Variants in AGPAT5 observed in about 807,000 individuals in gnomAD.
AGPAT5 encodes 1-acylglycerol-3-phosphate O-acyltransferase 5, also known as 1-acyl-sn-glycerol-3-phosphate acyltransferase epsilon.
AGPAT5 carries 46 observed loss-of-function variants against 45.6 expected under a neutral mutation model. The ratio of observed to expected loss-of-function variants is 1.01; its 90% CI spans 0.80 to 1.29. The LOEUF (loss-of-function observed/expected upper bound fraction) is 1.29. Among genes scored for constraint, AGPAT5 ranks in the 50% most tolerant of loss-of-function variants. The pLI is 0.00. For missense variants in AGPAT5, 673 were observed against 450.7 expected (o/e 1.49, Z -4.47); for synonymous variants, 272 against 167.0 (o/e 1.63, Z -4.85).
intron 1 of AGPAT5, among the ~76,000 whole-genome samples, chr8:6,724,542 A>G (rs1241866226): frequency 5.3e-5 from 8 of 152,196 alleles, no homozygotes; most frequent in Non-Finnish European, 1.2e-4. Context: ...CTCTTTTACT[A>G]GATTGATTGT....
chr8:6,728,765 T>C (rs1800771658), intron 2 of AGPAT5, among the ~76,000 whole-genome samples: 1 of 152,240 alleles, frequency 6.6e-6, no homozygotes, highest in Non-Finnish European at 1.5e-5. Flanking sequence ...TATTGTCTGC[T>C]TACTTTTGCA....
chr8:6,731,339 G>A (rs1307915365), intron 3 of AGPAT5, among the ~76,000 whole-genome samples: 3 of 151,986 alleles, frequency 2.0e-5, no homozygotes, highest in African/African-American at 4.8e-5. Flanking sequence ...GTGGGGATTG[G>A]TTTTAGAACC....
At chr8:6,754,539 G>T (rs1250580588) in intron 6 of AGPAT5, among the ~76,000 whole-genome samples, 15 of 152,142 alleles carry the variant, frequency 9.9e-5, no homozygotes, top group African/African-American at 3.4e-4. Flanking sequence ...GCCTGTGAGT[G>T]CCCAGCTGTG....
chr8:6,734,472 G>A (rs1333535066), intron 4 of AGPAT5, among the ~76,000 whole-genome samples: 1 of 151,906 alleles, frequency 6.6e-6, no homozygotes, highest in African/African-American at 2.4e-5. Flanking sequence ...TTCCATCTCT[G>A]TGCTAGTGTA....
At chr8:6,757,059 G>T in intron 7 of AGPAT5, 104 bp from the exon 8 acceptor site, 2 of 770,008 alleles carry the variant, frequency 2.6e-6, no homozygotes, top group Admixed American at 2.9e-5. Context: ...TATTTTCCAG[G>T]GACCTGCATA....
intron 1 of AGPAT5, among the ~76,000 whole-genome samples, chr8:6,717,003 T>TG (rs1291317825): frequency 6.6e-6 from 1 of 152,170 alleles, no homozygotes; most frequent in African/African-American, 2.4e-5. Flanking sequence ...CCAAGTCTAG[T>TG]GAGTCCGATT....
intron 5 of AGPAT5, chr8:6,746,316 A>T (rs1455225350): frequency 6.6e-6 from 1 of 152,112 alleles, no homozygotes; most frequent in Non-Finnish European, 1.5e-5. Context: ...GGCTTTATCT[A>T]CGCGTTCTGG....
At chr8:6,751,202 C>T (rs1010190870) in intron 6 of AGPAT5, among the ~76,000 whole-genome samples, 1 of 152,130 alleles carries the variant, frequency 6.6e-6, no homozygotes, top group Non-Finnish European at 1.5e-5. Flanking sequence ...ACTTGGAATA[C>T]TGTAAGTACT....
chr8:6,747,610 A>G, intron 5 of AGPAT5, 60 bp from the exon 6 acceptor site: 1 of 1,443,062 alleles, frequency 6.9e-7, no homozygotes, highest in Non-Finnish European at 9.5e-7. Flanking sequence ...TTAGATGTTA[A>G]ACAGTATATT....
intron 1 of AGPAT5, chr8:6,709,663 C>G (rs1402966256): frequency 6.6e-6 from 1 of 150,984 alleles, no homozygotes; most frequent in East Asian, 1.9e-4. Flanking sequence ...TTTTACTTTT[C>G]TTGGTAGGGT....
intron 5 of AGPAT5, among the ~76,000 whole-genome samples, chr8:6,746,847 T>C (rs879427433): frequency 2.6e-4 from 39 of 152,160 alleles, no homozygotes; most frequent in African/African-American, 9.2e-4. Context: ...TTCTGTTAAA[T>C]TGTCAGTAAA....
intron 1 of AGPAT5, among the ~76,000 whole-genome samples, chr8:6,724,459 A>G (rs1173810318): frequency 6.6e-6 from 1 of 152,230 alleles, no homozygotes; most frequent in Non-Finnish European, 1.5e-5. Flanking sequence ...AACAAATTTA[A>G]AACCTTAAAA....
chr8:6,748,125 G>A (rs1475038135), intron 6 of AGPAT5, among the ~76,000 whole-genome samples: 1 of 152,156 alleles, frequency 6.6e-6, no homozygotes, highest in Non-Finnish European at 1.5e-5. Flanking sequence ...AGGAAGACGT[G>A]AAGAAGGAGC....
At position 6,711,232 on chromosome 8, in the gene AGPAT5, A is replaced by G. The variant is rs1032917473; in HGVS notation, c.219+2345A>G. On this transcript the variant is annotated intron_variant, in intron 1 of 7. Coordinates refer to ENST00000285518, the MANE Select transcript of AGPAT5 (RefSeq NM_018361.5). ...AAGTAGTAGTAGGTCCATGAGATTTATGATCTGTGCTTGGCAGGTAAACCT... is the reference window on the plus strand; with the variant it reads ...AAGTAGTAGTAGGTCCATGAGATTTGTGATCTGTGCTTGGCAGGTAAACCT... Among the ~76,000 whole-genome samples the G allele has an allele frequency of 3.9e-5, 6 of 152,244 alleles. 1 individual carries two copies. The highest frequency in any genetic ancestry group is 4.1e-4 in the South Asian group (2 of 4,836).
intron 6 of AGPAT5, among the ~76,000 whole-genome samples, chr8:6,749,990 C>G (rs1302574188): frequency 1.3e-5 from 2 of 152,222 alleles, no homozygotes; most frequent in Non-Finnish European, 2.9e-5. Context: ...GTGAAGCTGG[C>G]TGACTGAGTC....
chr8:6,747,499 A>G (rs1219465912), intron 5 of AGPAT5, among the ~76,000 whole-genome samples, 171 bp from the exon 6 acceptor site: 3 of 152,388 alleles, frequency 2.0e-5, no homozygotes, highest in Non-Finnish European at 4.4e-5. Context: ...TTAAACAGAA[A>G]AAGGCAAGTG....
intron 1 of AGPAT5, among the ~76,000 whole-genome samples, chr8:6,719,394 G>T (rs903384602): frequency 6.6e-6 from 1 of 152,146 alleles, no homozygotes; most frequent in African/African-American, 2.4e-5. Flanking sequence ...GAAGTAGTAG[G>T]CAGGAATTCA....
In AGPAT5 at chr8:6,759,459, T is replaced by A. The variant is rs1801958521; in HGVS notation, c.*2071T>A. On this transcript the variant is annotated 3_prime_UTR_variant, in exon 8 of 8. Coordinates refer to ENST00000285518, the MANE Select transcript of AGPAT5 (RefSeq NM_018361.5). Reference sequence around the variant, plus strand: ...TAACCTGTATTGATACTGACTTGAATTATTTTCTAAAATTAAGAGCCGTAT... The same window carrying A: ...TAACCTGTATTGATACTGACTTGAAATATTTTCTAAAATTAAGAGCCGTAT... 6.6e-6 allele frequency: 1 copy of A among 152,206 alleles called. No individual in the cohort carries two copies. The highest frequency in any genetic ancestry group is 2.4e-5 in the African/African-American group (1 of 41,460). 9.4% of individuals were successfully genotyped at this position (152,206 alleles called of 1,614,324 possible).
intron 1 of AGPAT5, among the ~76,000 whole-genome samples, chr8:6,718,624 G>C (rs1164053271): frequency 1.3e-5 from 2 of 152,218 alleles, no homozygotes; most frequent in Non-Finnish European, 2.9e-5. Flanking sequence ...GGCGGCTGAT[G>C]ATTCCATGGA....
Sources: gnomAD v4.1 joint callset for allele counts (sites outside exome capture counted in the v4.1 genomes callset) on GRCh38, gnomAD v4.1.1 for gene constraint, MANE v1.5 for transcripts, NCBI Gene and HGNC (gene_info 2026-07-23, HGNC 2026-07-21) for gene names.